Variants in NUP210 observed in about 807,000 individuals in gnomAD.
The protein encoded by NUP210 is nuclear pore membrane glycoprotein 210.
A neutral mutation model predicts 196.0 loss-of-function variants in NUP210; 151 were observed. The ratio of observed to expected loss-of-function variants is 0.77; its 90% CI spans 0.67 to 0.88. The LOEUF (loss-of-function observed/expected upper bound fraction) is 0.88. Ranked by LOEUF, NUP210 falls within the 40% of genes least tolerant of loss-of-function variation. The pLI, the probability that NUP210 is intolerant of heterozygous loss-of-function variation, is 0.00. For missense variants in NUP210, 2,314 were observed against 2,493.7 expected, an observed-to-expected ratio of 0.93 and a Z score of 1.53; for synonymous variants, 1,070 against 1,052.7, an observed-to-expected ratio of 1.02 and a Z score of -0.32.
At chr3:13,387,632 G>A (rs1699318805) in intron 5 of NUP210, among the ~76,000 whole-genome samples, 1 of 152,234 alleles carries the variant, frequency 6.6e-6, no homozygotes, top group Non-Finnish European at 1.5e-5. Context: ...GTTCCTGCCT[G>A]TGCTCCAGAC....
intron 11 of NUP210, among the ~76,000 whole-genome samples, chr3:13,374,571 C>G (rs1698838413): frequency 6.6e-6 from 1 of 152,170 alleles, no homozygotes; most frequent in Non-Finnish European, 1.5e-5. Flanking sequence ...GAGACCGATG[C>G]ACACAAACAC....
rs1267190156 is a variant in NUP210, at chr3:13,339,943, CCAGCCCAGCAGCG to C, written c.3369_3381del (p.Ser1123ArgfsTer41). 6.2e-7 allele frequency: 1 copy of C among 1,614,056 alleles called. No homozygotes were observed. The highest frequency in any genetic ancestry group is 8.5e-7 in the Non-Finnish European group (1 of 1,180,042). ...CCGTTCCCGATGGCGAGGCCCTGTACCAGCCCAGCAGCGCTCACCAGCGCAACGCTCTCATTGC... is the reference window on the plus strand; with the variant it reads ...CCGTTCCCGATGGCGAGGCCCTGTACCTCACCAGCGCAACGCTCTCATTGC... On this transcript the variant is annotated frameshift_variant, in exon 25 of 40. Coordinates refer to ENST00000254508, the MANE Select transcript of NUP210 (RefSeq NM_024923.4). LOFTEE classifies it high-confidence loss of function.
intron 8 of NUP210, among the ~76,000 whole-genome samples, chr3:13,378,585 C>T (rs1698999610): frequency 6.6e-6 from 1 of 152,224 alleles, no homozygotes; most frequent in African/African-American, 2.4e-5. Context: ...TGACACTGGG[C>T]CCCAACCTCT....
At position 13,373,823 on chromosome 3, in the gene NUP210, A is replaced by G. The variant is rs776763739; in HGVS notation, c.1482T>C (p.Val494=). Residue 494 remains valine (V), a synonymous_variant, in exon 12 of 40, where the codon GTT becomes GTC. Transcript: ENST00000254508. ...NFSWSSSSHL[V]ATVTVKGVMT... ...TCACGCCCTTGACAGTAACTGTGGCAACCAGGTGGCTTGACGAAGACCAGC... is the reference window on the plus strand; with the variant it reads ...TCACGCCCTTGACAGTAACTGTGGCGACCAGGTGGCTTGACGAAGACCAGC... The G allele has an allele frequency of 6.2e-7, 1 of 1,614,118 alleles. No individual in the cohort carries two copies.
chr3:13,336,459 T>C (rs906182819), intron 27 of NUP210, among the ~76,000 whole-genome samples: 1 of 152,188 alleles, frequency 6.6e-6, no homozygotes, highest in South Asian at 2.1e-4. Flanking sequence ...ATTTGGCCTC[T>C]GGGATGAACC....
chr3:13,318,338 C>T (rs1423813828), intron 39 of NUP210, among the ~76,000 whole-genome samples: 7 of 152,150 alleles, frequency 4.6e-5, no homozygotes, highest in South Asian at 2.1e-4. Flanking sequence ...GTAGAGAAGT[C>T]GTCAGGCAGA....
intron 36 of NUP210, among the ~76,000 whole-genome samples, chr3:13,321,150 A>G (rs1696512431): frequency 6.6e-6 from 1 of 152,232 alleles, no homozygotes; most frequent in Admixed American, 6.5e-5. Flanking sequence ...GGCCTGAGGG[A>G]TCATTCACCC....
rs148884900 is a variant in NUP210 at position 13,335,596 on chromosome 3, G to A, written c.3701C>T (p.Pro1234Leu). ...GRHHEASIRL[P>L]SQYNFAMNVL... ...GTTCATGGCAAAGTTGTACTGTGACGGGAGTCGGATCGACGCCTGGGAAGA... is the reference window on the plus strand; with the variant it reads ...GTTCATGGCAAAGTTGTACTGTGACAGGAGTCGGATCGACGCCTGGGAAGA... Residue 1234 changes from proline (P) to leucine (L), a missense_variant, in exon 28 of 40, where the codon CCG becomes CTG. By Grantham distance (98) the Pro-to-Leu change is moderately conservative. Transcript: ENST00000254508. 2.4e-5 allele frequency: 39 copies of A among 1,613,936 alleles called. No homozygotes were observed. Among genetic ancestry groups the A allele is most frequent in the African/African-American group, 1.9e-4 (14 of 74,946 alleles).
chr3:13,387,692 G>C (rs541076665), intron 5 of NUP210, among the ~76,000 whole-genome samples: 1 of 152,326 alleles, frequency 6.6e-6, no homozygotes, highest in African/African-American at 2.4e-5. Flanking sequence ...CGAGGCACTG[G>C]TTGGGTGGAC....
rs1697387800 is a variant in NUP210, at chr3:13,339,881, C to T, written c.3444G>A (p.Glu1148=). Residue 1148 remains glutamate, a synonymous_variant, in exon 25 of 40, where the codon GAG becomes GAA. Transcript: ENST00000254508. ...VSGLVQAVDA[E]TGKVVIISQD... is the part of the protein sequence containing the mutation. ...GAGAGATGATGACCACCTTGCCGGT[C>T]TCTGCATCCACTGCCTGCACGAGCC... 2.5e-6 allele frequency: 4 copies of T among 1,613,754 alleles called. No homozygotes were observed. In the African/African-American group the frequency reaches 4.0e-5, roughly 16 times the overall value.
chr3:13,332,131 C>A (rs1697019734), intron 29 of NUP210, among the ~76,000 whole-genome samples, 162 bp downstream of exon 29: 1 of 152,082 alleles, frequency 6.6e-6, no homozygotes. Flanking sequence ...AGAGGAGCAC[C>A]ACAGAGAAGA....
At chr3:13,401,258 T>TTAAAAAA (rs1162470689) in intron 1 of NUP210, among the ~76,000 whole-genome samples, 3 of 16,506 alleles carry the variant, frequency 1.8e-4, no homozygotes, top group African/African-American at 1.1e-3. Flanking sequence ...AGACTCTGGC[T>TTAAAAAA]CAAAAAAAAA....
chr3:13,400,390 G>A (rs1699795088), intron 1 of NUP210, among the ~76,000 whole-genome samples: 1 of 152,180 alleles, frequency 6.6e-6, no homozygotes, highest in Admixed American at 6.5e-5. Flanking sequence ...CCCAGTGCCT[G>A]CGGAGCGGAT....
At chr3:13,373,541 C>A (rs1201760913) in intron 12 of NUP210, among the ~76,000 whole-genome samples, 177 bp downstream of exon 12, 1 of 152,216 alleles carries the variant, frequency 6.6e-6, no homozygotes, top group Non-Finnish European at 1.5e-5. Context: ...TGTGAGACAT[C>A]CTGTCCATCT....
intron 18 of NUP210, among the ~76,000 whole-genome samples, chr3:13,352,983 G>A (rs765837177): frequency 6.6e-6 from 1 of 151,976 alleles, no homozygotes; most frequent in African/African-American, 2.4e-5. Context: ...AACATGTCAG[G>A]GTGCTCAGGC....
chr3:13,343,331 GTGGGTGGT>G, intron 20 of NUP210, 28 bp from the exon 21 acceptor site: 1 of 1,591,854 alleles, frequency 6.3e-7, no homozygotes, highest in Non-Finnish European at 8.6e-7. Context: ...AGGTGGAGGG[GTGGGTGGT>G]GGGTTACGCA....
At chr3:13,353,769 G>C (rs774335918) in intron 17 of NUP210, 109 bp from the exon 18 acceptor site, 22 of 1,242,246 alleles carry the variant, frequency 1.8e-5, no homozygotes, top group Middle Eastern at 3.7e-4. Flanking sequence ...ACAGACAACT[G>C]TGTGTGTTGA....
chr3:13,375,887 TC>T (rs11408954), intron 10 of NUP210, among the ~76,000 whole-genome samples: 7 of 151,828 alleles, frequency 4.6e-5, no homozygotes, highest in Admixed American at 1.3e-4. Flanking sequence ...GGATGTGGTG[TC>T]CCCCCCAACT....
Position 13,363,160 on chromosome 3 carries a change from A to G in NUP210, c.1933-2669T>C, listed in dbSNP as rs190340784. Among the ~76,000 whole-genome samples the G allele has an allele frequency of 1.2e-4, 18 of 152,278 alleles. No homozygotes were observed. In the East Asian group the frequency reaches 3.5e-3, roughly 29 times the overall value. On this transcript the variant is annotated intron_variant, in intron 14 of 39. Coordinates refer to ENST00000254508, the MANE Select transcript of NUP210 (RefSeq NM_024923.4). ...TGAATATGTGACTAGCACACGCTCA[A>G]TCAATGGCCCCTGCTGTTAGAAACT...
Sources: allele counts gnomAD v4.1 joint callset (sites outside exome capture counted in the v4.1 genomes callset), GRCh38; gene constraint gnomAD v4.1.1; transcripts MANE v1.5; gene names NCBI Gene and HGNC (gene_info 2026-07-23, HGNC 2026-07-21).